Variants in RSRC1 observed in about 807,000 individuals in gnomAD.
RSRC1 encodes arginine and serine rich coiled-coil 1.
A neutral mutation model predicts 49.1 loss-of-function variants in RSRC1; 39 were observed. That is an observed-to-expected ratio of 0.79 (90% confidence interval 0.61 to 1.04). RSRC1 has a LOEUF of 1.04. Ranked by LOEUF, RSRC1 falls within the 50% of genes least tolerant of loss-of-function variation. The probability of loss-of-function intolerance (pLI) is 0.00; values close to 1 mark genes in which losing one functional copy is unlikely to be tolerated. For missense variants in RSRC1, 388 were observed against 402.4 expected (o/e 0.96, Z 0.31); for synonymous variants, 143 against 130.8 (o/e 1.09, Z -0.63).
chr3:158,511,178 C>G (rs1005535325), intron 7 of RSRC1, among the ~76,000 whole-genome samples: 3 of 151,880 alleles, frequency 2.0e-5, no homozygotes, highest in African/African-American at 4.8e-5. Flanking sequence ...CATATGTATA[C>G]ATGTGCCATG....
At chr3:158,351,600 T>A (rs1730878209) in intron 5 of RSRC1, among the ~76,000 whole-genome samples, 2 of 152,066 alleles carry the variant, frequency 1.3e-5, no homozygotes, top group Non-Finnish European at 2.9e-5. Flanking sequence ...TTTTGGACAA[T>A]TTTTTTAAAC....
intron 7 of RSRC1, among the ~76,000 whole-genome samples, chr3:158,527,137 G>C (rs570854437): frequency 7.1e-5 from 9 of 127,542 alleles, no homozygotes; most frequent in Admixed American, 3.6e-4. Flanking sequence ...CGCCGCTTCT[G>C]AATATACTCC....
intron 3 of RSRC1, among the ~76,000 whole-genome samples, chr3:158,183,618 C>G (rs1437983317): frequency 6.6e-6 from 1 of 151,686 alleles, no homozygotes; most frequent in Non-Finnish European, 1.5e-5. Flanking sequence ...TGAATATGAG[C>G]CTAAAGATTC....
intron 6 of RSRC1, among the ~76,000 whole-genome samples, chr3:158,441,320 A>G (rs1201830767): frequency 6.6e-6 from 1 of 152,160 alleles, no homozygotes; most frequent in Non-Finnish European, 1.5e-5. Context: ...GACAAAGTCT[A>G]CTAAAACGTT....
intron 4 of RSRC1, among the ~76,000 whole-genome samples, chr3:158,278,775 T>G (rs1725962178): frequency 1.3e-5 from 2 of 152,260 alleles, no homozygotes; most frequent in Admixed American, 1.3e-4. Flanking sequence ...ATTGATTGGT[T>G]GACAAATACA....
intron 3 of RSRC1, among the ~76,000 whole-genome samples, chr3:158,197,821 G>C (rs1095788): frequency 0.66 from 99,744 of 151,972 alleles, 32,975 homozygotes; most frequent in East Asian, 0.84. Context: ...TTTCTTAATC[G>C]TCAGTTCTCG....
chr3:158,531,195 C>A lies in RSRC1; in HGVS notation c.653-5897C>A, dbSNP rs200478083. ...TTCACTCAAGAAGAGATTTGCAAGG[C>A]AGCATATGCTAAAAGCCAAATGAAT... On this transcript the variant is annotated intron_variant, in intron 7 of 9. Transcript: ENST00000611884. Among the ~76,000 whole-genome samples the A allele has an allele frequency of 5.9e-5, 9 of 151,644 alleles. No individual in the cohort carries two copies. The East Asian group carries it at 1.8e-3, about 30-fold the overall frequency.
chr3:158,467,270 T>C (rs1021989305), intron 7 of RSRC1, among the ~76,000 whole-genome samples: 3 of 152,140 alleles, frequency 2.0e-5, no homozygotes, highest in East Asian at 3.9e-4. Context: ...GCCCATATAC[T>C]CAAAGAGCTT....
At chr3:158,542,664 A>G (rs2108510028) in intron 8 of RSRC1, among the ~76,000 whole-genome samples, 1 of 152,334 alleles carries the variant, frequency 6.6e-6, no homozygotes, top group South Asian at 2.1e-4. Context: ...CTAGGATGGA[A>G]AGGTTGGAAG....
chr3:158,148,714 G>C (rs1278492402), intron 3 of RSRC1, among the ~76,000 whole-genome samples: 1 of 152,086 alleles, frequency 6.6e-6, no homozygotes, highest in African/African-American at 2.4e-5. Flanking sequence ...AATAAAAAAA[G>C]ACGGTATTTC....
intron 4 of RSRC1, among the ~76,000 whole-genome samples, chr3:158,203,920 A>G (rs915483005): frequency 2.0e-5 from 3 of 152,186 alleles, no homozygotes; most frequent in Non-Finnish European, 2.9e-5. Flanking sequence ...AAATGAAACA[A>G]TCTTTTTTAA....
At chr3:158,367,731 A>G (rs1468465960) in intron 6 of RSRC1, among the ~76,000 whole-genome samples, 1 of 152,158 alleles carries the variant, frequency 6.6e-6, no homozygotes, top group Non-Finnish European at 1.5e-5. Flanking sequence ...AAAGCCTTAA[A>G]TAGTTTAGTT....
At chr3:158,228,801 A>G (rs536315973) in intron 4 of RSRC1, among the ~76,000 whole-genome samples, 1 of 151,546 alleles carries the variant, frequency 6.6e-6, no homozygotes, top group South Asian at 2.1e-4. Context: ...ATATGTGTGT[A>G]TATATGTCTA....
At chr3:158,420,626 ACT>A (rs1734989801) in intron 6 of RSRC1, among the ~76,000 whole-genome samples, 2 of 151,760 alleles carry the variant, frequency 1.3e-5, no homozygotes, top group South Asian at 4.2e-4. Flanking sequence ...AGAGTTTATG[ACT>A]CTCTAAATGC....
At chr3:158,424,114 ATAGGAG>A (rs1735257651) in intron 6 of RSRC1, among the ~76,000 whole-genome samples, 1 of 151,924 alleles carries the variant, frequency 6.6e-6, no homozygotes, top group East Asian at 1.9e-4. Flanking sequence ...ACTATGTTGA[ATAGGAG>A]TAGGAGTGGT....
At chr3:158,309,025 T>C (rs1401814489) in intron 5 of RSRC1, among the ~76,000 whole-genome samples, 3 of 151,948 alleles carry the variant, frequency 2.0e-5, no homozygotes, top group Non-Finnish European at 4.4e-5. Context: ...TTATTCAGGG[T>C]TGTTTACATT....
chr3:158,157,378 C>G (rs1026979595), intron 3 of RSRC1, among the ~76,000 whole-genome samples: 2 of 152,162 alleles, frequency 1.3e-5, no homozygotes, highest in Admixed American at 6.5e-5. Context: ...CGAGGACTCA[C>G]AGCAAACAGA....
At chr3:158,532,687 T>C (rs918223640) in intron 7 of RSRC1, among the ~76,000 whole-genome samples, 1 of 151,828 alleles carries the variant, frequency 6.6e-6, no homozygotes, top group African/African-American at 2.4e-5. Context: ...TTTTTTATTT[T>C]ACTATGAAGT....
At chr3:158,434,994 T>TC (rs1735972095) in intron 6 of RSRC1, among the ~76,000 whole-genome samples, 1 of 151,928 alleles carries the variant, frequency 6.6e-6, no homozygotes, top group Non-Finnish European at 1.5e-5. Flanking sequence ...ATTTTAAGGA[T>TC]CTCAAACTCA....
Sources: allele counts gnomAD v4.1 joint callset (sites outside exome capture counted in the v4.1 genomes callset), GRCh38; gene constraint gnomAD v4.1.1; transcripts MANE v1.5; gene names NCBI Gene and HGNC (gene_info 2026-07-23, HGNC 2026-07-21).